Variants in CFAP221 observed in about 807,000 individuals in gnomAD.
CFAP221 encodes the protein cilia and flagella associated protein 221.
CFAP221 carries 97 observed loss-of-function variants against 113.1 expected under a neutral mutation model. That is an observed-to-expected ratio of 0.86 (90% CI 0.73 to 1.02). The LOEUF (loss-of-function observed/expected upper bound fraction) is 1.02. CFAP221 is among the 50% of genes least tolerant of loss of function. The pLI, the probability that CFAP221 is intolerant of heterozygous loss-of-function variation, is 0.00. For missense variants in CFAP221, 1,025 were observed against 1,013.4 expected, an observed-to-expected ratio of 1.01 and a Z score of -0.16; for synonymous variants, 331 against 354.4, an observed-to-expected ratio of 0.93 and a Z score of 0.74.
chr2:119,563,532 C>G (rs916114100), intron 6 of CFAP221, among the ~76,000 whole-genome samples: 1 of 152,044 alleles, frequency 6.6e-6, no homozygotes, highest in Non-Finnish European at 1.5e-5. Context: ...TACCTGGACT[C>G]TCCCCTGCCC....
chr2:119,562,256 A>AAAAAG (rs1681304183), intron 6 of CFAP221, 142 bp downstream of exon 6: 1 of 560,744 alleles, frequency 1.8e-6, no homozygotes, highest in Non-Finnish European at 3.0e-6. Flanking sequence ...TAAAAGGCAA[A>AAAAAG]AAAAAAAAAA....
intron 1 of CFAP221, 50 bp downstream of exon 1, chr2:119,544,560 G>C (rs1573958626): frequency 6.6e-6 from 1 of 152,116 alleles, no homozygotes. Flanking sequence ...CGGCCGCTGG[G>C]GCGCCGCAGC....
chr2:119,610,619 T>C (rs560571980), intron 12 of CFAP221, among the ~76,000 whole-genome samples: 1 of 152,298 alleles, frequency 6.6e-6, no homozygotes, highest in African/African-American at 2.4e-5. Context: ...TTGAACTTAA[T>C]GTGTTCAGTC....
In CFAP221 at chr2:119,551,709, T is replaced by C. The variant is rs764699253; in HGVS notation, c.240+2524T>C. On this transcript the variant is annotated intron_variant, in intron 3 of 23. Transcript: ENST00000413369. ...GCGAGTCCTCCAGTTTTGTTCTTTT[T>C]CAAGACCATGTTGGCTATTCTGGGT... Among the ~76,000 whole-genome samples the C allele has an allele frequency of 6.1e-4, 93 of 152,330 alleles. 1 individual carries two copies. Among genetic ancestry groups the C allele is most frequent in the Non-Finnish European group, 1.1e-3 (73 of 68,026 alleles).
chr2:119,644,734 A>G (rs1033429417), intron 21 of CFAP221, among the ~76,000 whole-genome samples: 2 of 152,346 alleles, frequency 1.3e-5, no homozygotes, highest in African/African-American at 4.8e-5. Flanking sequence ...ATGTATGTGC[A>G]TATAAACACA....
At chr2:119,628,648 C>G (rs1230076474) in intron 16 of CFAP221, among the ~76,000 whole-genome samples, 1 of 152,182 alleles carries the variant, frequency 6.6e-6, no homozygotes, top group Non-Finnish European at 1.5e-5. Flanking sequence ...AATATTTTGT[C>G]AATTTCAAAG....
chr2:119,551,974 T>G (rs1449390053), intron 3 of CFAP221, among the ~76,000 whole-genome samples: 1 of 152,158 alleles, frequency 6.6e-6, no homozygotes, highest in African/African-American at 2.4e-5. Context: ...TAAAATAGAC[T>G]TTCCTCAGAA....
In CFAP221 at chr2:119,630,885, A is replaced by T. The variant is rs1280802900; in HGVS notation, c.1958A>T (p.Asp653Val). 3.1e-6 allele frequency: 5 copies of T among 1,613,498 alleles called. No individual in the cohort carries two copies. Among genetic ancestry groups the T allele is most frequent in the Non-Finnish European group, 2.5e-6 (3 of 1,179,538 alleles). ...PEALAMSLDY[D>V]PLYVFNPNPG... ...GCCTTAGCCATGTCTCTAGATTATG[A>T]TCCTCTGTATGTTTTTGTAAGTGAC... Residue 653 changes from aspartate to valine, a missense_variant, in exon 19 of 24, where the codon GAT (aspartate) becomes GTT (valine). Coordinates refer to ENST00000413369, the MANE Select transcript of CFAP221 (RefSeq NM_001271049.2).
intron 14 of CFAP221, among the ~76,000 whole-genome samples, chr2:119,620,961 A>G (rs1252540835): frequency 6.6e-6 from 1 of 151,992 alleles, no homozygotes; most frequent in Non-Finnish European, 1.5e-5. Flanking sequence ...ATGGTGGCTC[A>G]TGCCTGTAAT....
chr2:119,624,788 C>T (rs1458139544), intron 14 of CFAP221, among the ~76,000 whole-genome samples: 3 of 152,104 alleles, frequency 2.0e-5, no homozygotes, highest in African/African-American at 4.8e-5. Context: ...CCAAACACCG[C>T]ATGTTCTCCC....
chr2:119,581,169 A>G (rs1682822608), intron 6 of CFAP221, among the ~76,000 whole-genome samples: 1 of 152,224 alleles, frequency 6.6e-6, no homozygotes, highest in Admixed American at 6.5e-5. Flanking sequence ...CAAATTCCAA[A>G]ACACACGAAT....
intron 19 of CFAP221, among the ~76,000 whole-genome samples, chr2:119,631,996 T>C (rs1278515969): frequency 6.6e-6 from 1 of 152,236 alleles, no homozygotes; most frequent in Non-Finnish European, 1.5e-5. Flanking sequence ...TTATATCTGT[T>C]AAAGAAATTG....
chr2:119,612,272 A>G (rs187161452), intron 13 of CFAP221, among the ~76,000 whole-genome samples: 2 of 152,338 alleles, frequency 1.3e-5, no homozygotes, highest in East Asian at 1.9e-4. Context: ...TCACACTGCT[A>G]TGAAGAAATA....
chr2:119,557,807 T>C (rs879422865), intron 3 of CFAP221, among the ~76,000 whole-genome samples: 2 of 152,104 alleles, frequency 1.3e-5, no homozygotes, highest in Non-Finnish European at 2.9e-5. Context: ...GAGACCAGCC[T>C]GACCAACATG....
intron 20 of CFAP221, among the ~76,000 whole-genome samples, chr2:119,639,283 C>G (rs1687326828): frequency 1.3e-5 from 2 of 152,202 alleles, no homozygotes; most frequent in African/African-American, 4.8e-5. Context: ...ATTAGCTTGG[C>G]CCACAATGCC....
Position 119,604,452 on chromosome 2 carries a change from C to CA in CFAP221, c.792-211dup, listed in dbSNP as rs372078139. Among the ~76,000 whole-genome samples the CA allele has an allele frequency of 3.2e-3, 475 of 148,244 alleles. 6 individuals carry two copies. The highest frequency in any genetic ancestry group is 8.6e-3 in the African/African-American group (345 of 40,274). Reference sequence around the variant, plus strand: ...CATCTCAAAAAAAAAGAATGTAAGGCAAAAAAAAACCGTTGGTGGGCAATT... The same window carrying CA: ...CATCTCAAAAAAAAAGAATGTAAGGCAAAAAAAAAACCGTTGGTGGGCAATT... On this transcript the variant is annotated intron_variant, in intron 8 of 23. Transcript: ENST00000413369.
At chr2:119,636,107 T>A (rs1228585598) in intron 19 of CFAP221, among the ~76,000 whole-genome samples, 1 of 152,228 alleles carries the variant, frequency 6.6e-6, no homozygotes. Context: ...CCAGAGGTCA[T>A]GATATTGAAC....
intron 3 of CFAP221, among the ~76,000 whole-genome samples, chr2:119,555,159 G>GT (rs1267999906): frequency 6.6e-6 from 1 of 152,150 alleles, no homozygotes; most frequent in Non-Finnish European, 1.5e-5. Context: ...GTGGTTGATG[G>GT]TTTTTGTGGG....
chr2:119,620,526 C>T (rs1228996467), intron 14 of CFAP221, among the ~76,000 whole-genome samples: 1 of 152,182 alleles, frequency 6.6e-6, no homozygotes, highest in Non-Finnish European at 1.5e-5. Context: ...AAATCCTTTA[C>T]AGACAAGCAA....
Sources: gnomAD v4.1 joint callset for allele counts (sites outside exome capture counted in the v4.1 genomes callset) on GRCh38, gnomAD v4.1.1 for gene constraint, MANE v1.5 for transcripts, NCBI Gene and HGNC (gene_info 2026-07-23, HGNC 2026-07-21) for gene names.